Variants in TUNAR observed in about 807,000 individuals in gnomAD.
TUNAR encodes the protein protein TUNAR.
intron 2 of TUNAR, among the ~76,000 whole-genome samples, chr14:95,898,220 A>C (rs986333234): frequency 1.3e-5 from 2 of 152,216 alleles, no homozygotes; most frequent in African/African-American, 4.8e-5. Flanking sequence ...AAGACTTTAG[A>C]GTTTTCCTTG....
rs78564868 is a variant in TUNAR, at chr14:95,897,010, T to C, written c.12+19833T>C. The stretch of plus-strand genomic sequence containing the variant: ...TGTTCCTTCAAATAGCTCTGGCATA[T>C]GTTTTTATTTCACAGTAAAACCGTT... On this transcript the variant is annotated intron_variant, in intron 2 of 2. Transcript: ENST00000678517. Among the ~76,000 whole-genome samples, 1,236 of 152,374 alleles carry C rather than the reference T, an allele frequency of 8.1e-3. 10 individuals carry two copies. The highest frequency in any genetic ancestry group is 0.014 in the Non-Finnish European group (978 of 68,024).
In TUNAR at chr14:95,895,078, G is replaced by A. The variant is rs1217335053; in HGVS notation, c.12+17901G>A. 6.6e-6 allele frequency among the ~76,000 whole-genome samples: 1 copy of A among 152,244 alleles called. No homozygotes were observed. The highest frequency in any genetic ancestry group is 6.5e-5 in the Admixed American group (1 of 15,284). On this transcript the variant is annotated intron_variant, in intron 2 of 2. Transcript: ENST00000678517. The surrounding 1 kb of genome is among the most constrained non-coding windows in gnomAD (Gnocchi z 4.5). ...ACAGCCAGCATCTCCAGAGAATAGT[G>A]ACAGATGTTGTCTGCCAGGTAAGTG...
chr14:95,906,928 C>G (rs1045922993), intron 2 of TUNAR, among the ~76,000 whole-genome samples: 3 of 152,232 alleles, frequency 2.0e-5, no homozygotes, highest in Non-Finnish European at 4.4e-5. Context: ...GGGAACCAGT[C>G]TCTTTAATTT....
chr14:95,906,680 T>C (rs1024575977), intron 2 of TUNAR, among the ~76,000 whole-genome samples: 3 of 152,354 alleles, frequency 2.0e-5, no homozygotes, highest in Admixed American at 1.3e-4. Context: ...TAATACTATT[T>C]ATTTGTAATA....
At chr14:95,912,647 G>A (rs1684849119) in intron 2 of TUNAR, among the ~76,000 whole-genome samples, 1 of 152,018 alleles carries the variant, frequency 6.6e-6, no homozygotes, top group Non-Finnish European at 1.5e-5. Flanking sequence ...TTACAAAATT[G>A]TTTGAACTTA....
At chr14:95,924,709 A>T (rs1487129025) in exon 3 of TUNAR, 2 of 152,232 alleles carry the variant, frequency 1.3e-5, no homozygotes, top group African/African-American at 4.8e-5. Context: ...TGCAAACAGC[A>T]TGGGAAACCT....
In TUNAR at chr14:95,895,179, A is replaced by G. The variant is rs948575921; in HGVS notation, c.12+18002A>G. Among the ~76,000 whole-genome samples, 1 of 152,244 alleles carries G rather than the reference A, an allele frequency of 6.6e-6. No individual in the cohort carries two copies. The highest frequency in any genetic ancestry group is 1.5e-5 in the Non-Finnish European group (1 of 68,052). On this transcript the variant is annotated intron_variant, in intron 2 of 2. Transcript: ENST00000678517. This position sits in a 1 kb window ranked among gnomAD's most constrained non-coding sequence, Gnocchi z 4.5. ...CCCAGAGAGGGGACATCTGAGCTGCATCTTAAAGGAAGAGTAGCAGTTAGC... is the reference window on the plus strand; with the variant it reads ...CCCAGAGAGGGGACATCTGAGCTGCGTCTTAAAGGAAGAGTAGCAGTTAGC...
chr14:95,901,938 C>G (rs1335058682), intron 2 of TUNAR, among the ~76,000 whole-genome samples: 1 of 152,096 alleles, frequency 6.6e-6, no homozygotes, highest in Non-Finnish European at 1.5e-5. Flanking sequence ...TGGAGCCAGC[C>G]AGTGCAAACG....
Position 95,907,998 on chromosome 14 carries a change from T to A in TUNAR, c.13-14783T>A, listed in dbSNP as rs377105131. Reference sequence around the variant, plus strand: ...CAGTTGGTCCATGGGCAGCCATGGGTGGGCCTGGAAAAGGCACCACAAGTC... The same window carrying A: ...CAGTTGGTCCATGGGCAGCCATGGGAGGGCCTGGAAAAGGCACCACAAGTC... On this transcript the variant is annotated intron_variant, in intron 2 of 2. Transcript: ENST00000678517. 4.6e-5 allele frequency among the ~76,000 whole-genome samples: 7 copies of A among 152,018 alleles called. 1 individual carries two copies. Among genetic ancestry groups the A allele is most frequent in the East Asian group, 1.9e-4 (1 of 5,146 alleles).
At chr14:95,922,215 T>C (rs1292752504) in intron 2 of TUNAR, among the ~76,000 whole-genome samples, 1 of 152,256 alleles carries the variant, frequency 6.6e-6, no homozygotes, top group Non-Finnish European at 1.5e-5. Flanking sequence ...TGAGAATTTC[T>C]CATGGCGTTA....
At chr14:95,916,601 C>G (rs1430090645) in intron 2 of TUNAR, among the ~76,000 whole-genome samples, 1 of 152,174 alleles carries the variant, frequency 6.6e-6, no homozygotes, top group African/African-American at 2.4e-5. Flanking sequence ...ATCCATGTAC[C>G]CTGCTGCTCA....
intron 2 of TUNAR, among the ~76,000 whole-genome samples, chr14:95,883,802 C>G (rs1285145233): frequency 1.3e-5 from 2 of 152,160 alleles, no homozygotes; most frequent in African/African-American, 4.8e-5. Flanking sequence ...AAGTGTGATC[C>G]AGGGACCACT....
At chr14:95,892,286 C>T (rs369745142) in intron 2 of TUNAR, among the ~76,000 whole-genome samples, 1 of 152,260 alleles carries the variant, frequency 6.6e-6, no homozygotes, top group Non-Finnish European at 1.5e-5. Context: ...AGGGGCTGTG[C>T]TCATGAGTCC....
intron 2 of TUNAR, among the ~76,000 whole-genome samples, chr14:95,890,537 C>T (rs566836707): frequency 6.6e-6 from 1 of 152,094 alleles, no homozygotes; most frequent in South Asian, 2.1e-4. Context: ...AGCTGTCCCT[C>T]GAGGCTGTCA....
chr14:95,921,063 C>G (rs1427180357), intron 2 of TUNAR, among the ~76,000 whole-genome samples: 1 of 152,108 alleles, frequency 6.6e-6, no homozygotes, highest in Non-Finnish European at 1.5e-5. Context: ...AGCCATTGTC[C>G]CAGCTTGAAG....
intron 2 of TUNAR, among the ~76,000 whole-genome samples, chr14:95,906,658 C>T (rs1283095593): frequency 6.6e-6 from 1 of 152,174 alleles, no homozygotes; most frequent in Non-Finnish European, 1.5e-5. Context: ...TTTCCCACCC[C>T]CTTCAGTGTG....
Position 95,895,578 on chromosome 14 carries a change from G to C in TUNAR, c.12+18401G>C, listed in dbSNP as rs1006303626. Among the ~76,000 whole-genome samples, 1 of 152,112 alleles carries C rather than the reference G, an allele frequency of 6.6e-6. No homozygotes were observed. Among genetic ancestry groups the C allele is most frequent in the Admixed American group, 6.5e-5 (1 of 15,276 alleles). On this transcript the variant is annotated intron_variant, in intron 2 of 2. Coordinates refer to ENST00000678517, the Ensembl canonical transcript of TUNAR. The surrounding 1 kb of genome is among the most constrained non-coding windows in gnomAD (Gnocchi z 4.5). ...GACGCATCCTCCAGGATCATGGTTC[G>C]CTCAGCCTCACATTGCTACAAAGTG...
chr14:95,890,172 T>A (rs1395627411), intron 2 of TUNAR, among the ~76,000 whole-genome samples: 2 of 152,156 alleles, frequency 1.3e-5, no homozygotes, highest in African/African-American at 2.4e-5. Flanking sequence ...GAAATTGGCA[T>A]TTCATGGAAA....
At chr14:95,881,717 T>G (rs1888981892) in intron 2 of TUNAR, among the ~76,000 whole-genome samples, 2 of 152,222 alleles carry the variant, frequency 1.3e-5, no homozygotes, top group Non-Finnish European at 2.9e-5. Flanking sequence ...CATGTGAGTA[T>G]AGCTGCTGCT....
Sources: gnomAD v4.1 joint callset for allele counts (sites outside exome capture counted in the v4.1 genomes callset) on GRCh38, gnomAD v4.1.1 for gene constraint, Gnocchi (gnomAD v3.1) non-coding constraint, MANE v1.5 for transcripts, NCBI Gene and HGNC (gene_info 2026-07-23, HGNC 2026-07-21) for gene names.